Variants in SRFBP1 observed in about 807,000 individuals in gnomAD.
SRFBP1 encodes serum response factor-binding protein 1.
A neutral mutation model predicts 45.5 loss-of-function variants in SRFBP1; 47 were observed. The observed-to-expected ratio is 1.03, with a 90% CI of 0.82 to 1.32. The LOEUF (loss-of-function observed/expected upper bound fraction) is 1.32, where lower values mean the gene tolerates loss of function less well. Ranked by LOEUF, SRFBP1 falls within the 40% of genes most tolerant of loss-of-function variation. The pLI, the probability that SRFBP1 is intolerant of heterozygous loss-of-function variation, is 0.00. For synonymous variants in SRFBP1, 203 were observed against 166.3 expected (o/e 1.22, Z -1.70); for missense variants, 621 against 484.6 (o/e 1.28, Z -2.64).
chr5:122,019,179 T>C, intron 4 of SRFBP1, 81 bp from the exon 5 acceptor site: 1 of 1,172,554 alleles, frequency 8.5e-7, no homozygotes, highest in Non-Finnish European at 1.3e-6. Context: ...TTAAAGACTA[T>C]GATAGATTTT....
intron 5 of SRFBP1, 56 bp from the exon 6 acceptor site, chr5:122,020,031 CA>C (rs1470012345): frequency 4.8e-5 from 59 of 1,228,730 alleles, no homozygotes; most frequent in Non-Finnish European, 6.5e-5. Context: ...TGTCCTAAAA[CA>C]GTCATGTTTT....
intron 7 of SRFBP1, among the ~76,000 whole-genome samples, chr5:122,025,208 G>A (rs1332825305): frequency 2.6e-5 from 4 of 151,900 alleles, no homozygotes; most frequent in Admixed American, 6.6e-5. Context: ...GAGGACATGC[G>A]GTGTTTGGTT....
chr5:122,029,939 TAGTG>T (rs1404597459), downstream of SRFBP1, among the ~76,000 whole-genome samples: 2 of 152,182 alleles, frequency 1.3e-5, no homozygotes, highest in Non-Finnish European at 2.9e-5. Context: ...AGTTCTTTAA[TAGTG>T]AGAAAATTGA....
intron 3 of SRFBP1, among the ~76,000 whole-genome samples, chr5:121,977,241 A>G (rs967512536): frequency 1.3e-5 from 2 of 151,910 alleles, no homozygotes; most frequent in Non-Finnish European, 2.9e-5. Context: ...GCATCATAGA[A>G]AGCCAAATTC....
chr5:122,047,700 G>C (rs1201963787), intron 2 of SRFBP1, among the ~76,000 whole-genome samples: 9 of 151,916 alleles, frequency 5.9e-5, no homozygotes, highest in Middle Eastern at 3.2e-3. Context: ...TCTTCCATTT[G>C]TTTGTATCCT....
At chr5:122,067,594 C>G (rs543339579) in intron 2 of SRFBP1, among the ~76,000 whole-genome samples, 5 of 152,222 alleles carry the variant, frequency 3.3e-5, no homozygotes, top group African/African-American at 1.2e-4. Flanking sequence ...ACTTCCTGCT[C>G]AAAAAGCTTC....
At chr5:122,028,814 T>C (rs774815011), downstream of SRFBP1, among the ~76,000 whole-genome samples, 1 of 152,226 alleles carries the variant, frequency 6.6e-6, no homozygotes, top group Non-Finnish European at 1.5e-5. Flanking sequence ...TTGGGGTCAC[T>C]ATCCTCCACA....
intron 2 of SRFBP1, among the ~76,000 whole-genome samples, chr5:122,059,988 C>G (rs550661141): frequency 1.3e-5 from 2 of 152,168 alleles, no homozygotes; most frequent in South Asian, 2.1e-4. Context: ...TTTTGGAACT[C>G]CAGTGTGACA....
chr5:121,991,949 A>G (rs1346125136), intron 3 of SRFBP1, among the ~76,000 whole-genome samples: 1 of 152,174 alleles, frequency 6.6e-6, no homozygotes, highest in Non-Finnish European at 1.5e-5. Flanking sequence ...ACTTAGTTTT[A>G]AGGTAAATGT....
At chr5:122,068,799 CA>C (rs1184493911) in intron 2 of SRFBP1, among the ~76,000 whole-genome samples, 1 of 151,670 alleles carries the variant, frequency 6.6e-6, no homozygotes, top group Admixed American at 6.6e-5. Context: ...ACAAACAGTA[CA>C]AAAATGAGAG....
intron 7 of SRFBP1, among the ~76,000 whole-genome samples, chr5:122,026,564 C>G (rs1204859400): frequency 6.6e-6 from 1 of 152,192 alleles, no homozygotes; most frequent in African/African-American, 2.4e-5. Flanking sequence ...ACATCTGCTT[C>G]ATGTACACAG....
chr5:121,975,601 G>A (rs1053290500), intron 3 of SRFBP1, among the ~76,000 whole-genome samples: 2 of 151,932 alleles, frequency 1.3e-5, no homozygotes, highest in Admixed American at 6.6e-5. Flanking sequence ...TAAAGTGCTA[G>A]GCTAATTTGA....
Position 122,036,169 on chromosome 5 carries a change from G to T in SRFBP1, n.311+13762G>T, listed in dbSNP as rs149653476. 1.1e-3 allele frequency among the ~76,000 whole-genome samples: 169 copies of T among 152,282 alleles called. 2 individuals carry two copies. The East Asian group carries it at 0.026, about 24-fold the overall frequency. ...GAGCTCTGAACTAACAATTCTTTCT[G>T]ATAAGAGCATTTTTGTATGCATAAG... On this transcript the variant is annotated intron_variant and non_coding_transcript_variant, in intron 2 of 2. Transcript: ENST00000504881.
chr5:122,057,763 GA>G (rs1390224036), intron 2 of SRFBP1, among the ~76,000 whole-genome samples: 1 of 152,038 alleles, frequency 6.6e-6, no homozygotes, highest in Non-Finnish European at 1.5e-5. Context: ...AGACAACATT[GA>G]CATCAGAGGA....
chr5:122,034,030 G>A (rs892425854), intron 2 of SRFBP1, among the ~76,000 whole-genome samples: 1 of 151,640 alleles, frequency 6.6e-6, no homozygotes, highest in African/African-American at 2.4e-5. Flanking sequence ...TGCCATGTGG[G>A]CCAGGCTGGT....
chr5:122,070,373 TATAA>T (rs1314282194), intron 2 of SRFBP1: 2 of 653,524 alleles, frequency 3.1e-6, no homozygotes, highest in African/African-American at 1.8e-5. Context: ...TTAGATTGTT[TATAA>T]ATAGTTTGAG....
chr5:122,044,251 T>C (rs1454150907), intron 2 of SRFBP1, among the ~76,000 whole-genome samples: 1 of 152,214 alleles, frequency 6.6e-6, no homozygotes, highest in Non-Finnish European at 1.5e-5. Context: ...GAGTCTAACA[T>C]TGGTGATCAT....
At chr5:122,026,786 A>T (rs911873535) in intron 7 of SRFBP1, among the ~76,000 whole-genome samples, 156 bp from the exon 8 acceptor site, 1 of 152,124 alleles carries the variant, frequency 6.6e-6, no homozygotes, top group African/African-American at 2.4e-5. Context: ...TCAACTTCAA[A>T]CTATTCCCTG....
intron 2 of SRFBP1, among the ~76,000 whole-genome samples, chr5:122,050,980 C>A (rs78221936): frequency 0.042 from 6,414 of 152,210 alleles, 157 homozygotes; most frequent in African/African-American, 0.053. Flanking sequence ...CTAAGAATTT[C>A]TTGGTTGCTG....
Sources: allele counts gnomAD v4.1 joint callset (sites outside exome capture counted in the v4.1 genomes callset), GRCh38; gene constraint gnomAD v4.1.1; transcripts MANE v1.5; gene names NCBI Gene and HGNC (gene_info 2026-07-23, HGNC 2026-07-21).